Variants in UMAD1 observed in about 807,000 individuals in gnomAD.
UMAD1 encodes UBAP1-MVB12-associated (UMA)-domain containing protein 1.
Under a neutral mutation model 6.1 loss-of-function variants are expected in UMAD1, and 8 were observed. That is an observed-to-expected ratio of 1.30 (90% CI 0.76 to 2.35). The LOEUF (loss-of-function observed/expected upper bound fraction) is 2.35, where lower values mean the gene tolerates loss of function less well. UMAD1 is among the 30% of genes most tolerant of loss of function. UMAD1 has a pLI of 0.00. For synonymous variants in UMAD1, 56 were observed against 31.4 expected (o/e 1.78, Z -2.61); for missense variants, 130 against 78.4 (o/e 1.66, Z -2.49).
chr7:7,656,936 G>A (rs1358787385), intron 1 of UMAD1, among the ~76,000 whole-genome samples: 1 of 152,142 alleles, frequency 6.6e-6, no homozygotes, highest in Non-Finnish European at 1.5e-5. Context: ...CACCAACAGT[G>A]TTAAAAGCCT....
chr7:7,698,114 A>T (rs114919479), intron 2 of UMAD1, among the ~76,000 whole-genome samples: 1 of 152,216 alleles, frequency 6.6e-6, no homozygotes. Flanking sequence ...AATGCCCATG[A>T]GTTAGACACT....
At chr7:7,643,748 T>A (rs1785031768) in intron 1 of UMAD1, among the ~76,000 whole-genome samples, 1 of 116,270 alleles carries the variant, frequency 8.6e-6, no homozygotes. Flanking sequence ...AAAAAAAGGA[T>A]CAACGGTTAA....
intron 1 of UMAD1, among the ~76,000 whole-genome samples, chr7:7,669,253 C>T (rs974489546): frequency 3.9e-5 from 6 of 152,144 alleles, no homozygotes; most frequent in African/African-American, 7.2e-5. Flanking sequence ...CGATTGTATA[C>T]GGTATTTTGA....
At chr7:7,773,816 G>A (rs2115245314) in intron 2 of UMAD1, among the ~76,000 whole-genome samples, 1 of 152,294 alleles carries the variant, frequency 6.6e-6, no homozygotes, top group African/African-American at 2.4e-5. Context: ...GTTGAAGGGA[G>A]GAGGTGAGTG....
chr7:7,761,804 C>T (rs1287106239), intron 2 of UMAD1, among the ~76,000 whole-genome samples: 1 of 152,206 alleles, frequency 6.6e-6, no homozygotes, highest in Non-Finnish European at 1.5e-5. Flanking sequence ...CCCCTTGTGA[C>T]ATCTGAGAAT....
At chr7:7,789,461 AT>A (rs1782523186) in intron 2 of UMAD1, among the ~76,000 whole-genome samples, 2 of 151,382 alleles carry the variant, frequency 1.3e-5, no homozygotes, top group Non-Finnish European at 2.9e-5. Flanking sequence ...TATTTCTTTA[AT>A]TTTTTAATTA....
At chr7:7,665,284 G>A (rs1779413977) in intron 1 of UMAD1, among the ~76,000 whole-genome samples, 1 of 152,184 alleles carries the variant, frequency 6.6e-6, no homozygotes, top group Non-Finnish European at 1.5e-5. Context: ...AATAGGATCT[G>A]CCCTGCTAAG....
rs1563215740 is a variant in UMAD1, at chr7:7,799,605, A to T, written c.83-2065A>T. ...AGTAAAGGACTTTTTATAGTGCGTT[A>T]TACGTATTTTCTTAGAAACATCGTG... On this transcript the variant is annotated intron_variant, in intron 2 of 3. Coordinates refer to ENST00000682710, the MANE Select transcript of UMAD1 (RefSeq NM_001302348.2). Among the ~76,000 whole-genome samples the T allele has an allele frequency of 2.0e-5, 3 of 152,362 alleles. No homozygotes were observed. The South Asian group carries it at 6.2e-4, about 32-fold the overall frequency.
At chr7:7,667,287 A>G (rs571563866) in intron 1 of UMAD1, among the ~76,000 whole-genome samples, 1 of 152,306 alleles carries the variant, frequency 6.6e-6, no homozygotes, top group South Asian at 2.1e-4. Context: ...TGCTCATTGT[A>G]GACAATTGAA....
In UMAD1 at chr7:7,756,047, G is replaced by A. The variant is rs185400443; in HGVS notation, c.83-45623G>A. Among the ~76,000 whole-genome samples, 485 of 152,246 alleles carry A rather than the reference G, an allele frequency of 3.2e-3. 5 individuals are homozygous for A. The highest frequency in any genetic ancestry group is 0.011 in the African/African-American group (463 of 41,546). ...TGTTAGAGCTTTGAGCCCTGGGAGC[G>A]GGGGACTCAAGAAATAGGGAGACTT... On this transcript the variant is annotated intron_variant, in intron 2 of 3. Coordinates refer to ENST00000682710, the MANE Select transcript of UMAD1 (RefSeq NM_001302348.2).
At chr7:7,676,483 G>T (rs931970032) in intron 2 of UMAD1, among the ~76,000 whole-genome samples, 2 of 152,020 alleles carry the variant, frequency 1.3e-5, no homozygotes, top group Non-Finnish European at 2.9e-5. Flanking sequence ...CCATCTTTTT[G>T]TAAAAAAAGT....
chr7:7,665,980 G>T (rs1779443197), intron 1 of UMAD1, among the ~76,000 whole-genome samples: 1 of 151,980 alleles, frequency 6.6e-6, no homozygotes, highest in Admixed American at 6.6e-5. Flanking sequence ...TAAAAAAAAA[G>T]TTGTTACAAC....
intron 2 of UMAD1, among the ~76,000 whole-genome samples, chr7:7,703,942 C>A (rs1780529709): frequency 6.7e-6 from 1 of 149,090 alleles, no homozygotes; most frequent in African/African-American, 2.5e-5. Context: ...TGTCTCTTAA[C>A]AAAGGAAAGA....
At chr7:7,808,160 A>G (rs1002550958) in intron 3 of UMAD1, among the ~76,000 whole-genome samples, 10 of 152,062 alleles carry the variant, frequency 6.6e-5, no homozygotes, top group Admixed American at 2.0e-4. Flanking sequence ...TTACAATTCA[A>G]CCTAATTATC....
At chr7:7,681,009 C>A (rs1039443861) in intron 2 of UMAD1, among the ~76,000 whole-genome samples, 1 of 151,830 alleles carries the variant, frequency 6.6e-6, no homozygotes, top group Admixed American at 6.6e-5. Context: ...GTGTGCAATA[C>A]GTACATTACA....
At chr7:7,684,841 A>C (rs1278559109) in intron 2 of UMAD1, among the ~76,000 whole-genome samples, 1 of 152,190 alleles carries the variant, frequency 6.6e-6, no homozygotes, top group Non-Finnish European at 1.5e-5. Flanking sequence ...TAATACAACT[A>C]TTTGGGGGTA....
Position 7,703,640 on chromosome 7 carries a change from C to T in UMAD1, c.82+30187C>T, listed in dbSNP as rs190109409. Among the ~76,000 whole-genome samples, 5 of 152,242 alleles carry T rather than the reference C, an allele frequency of 3.3e-5. No homozygotes were observed. In the East Asian group the frequency reaches 7.7e-4, roughly 23 times the overall value. ...ATCAGTTCAGGGCCAAAGTTCAGTT[C>T]CTTCTTCTCTGGCCAATAGGATGTT... On this transcript the variant is annotated intron_variant, in intron 2 of 3. Transcript: ENST00000682710.
intron 2 of UMAD1, among the ~76,000 whole-genome samples, chr7:7,789,359 ACTT>A: frequency 6.9e-6 from 1 of 145,400 alleles, no homozygotes; most frequent in East Asian, 1.9e-4. Context: ...TGGAGTAGAG[ACTT>A]ATTATAACAT....
intron 2 of UMAD1, among the ~76,000 whole-genome samples, chr7:7,770,495 T>C (rs1363483527): frequency 6.6e-6 from 1 of 152,156 alleles, no homozygotes; most frequent in African/African-American, 2.4e-5. Flanking sequence ...AGGTAGATGG[T>C]CTGAGTATGT....
Sources: allele counts gnomAD v4.1 joint callset (sites outside exome capture counted in the v4.1 genomes callset), GRCh38; gene constraint gnomAD v4.1.1; transcripts MANE v1.5; gene names NCBI Gene and HGNC (gene_info 2026-07-23, HGNC 2026-07-21).